ASIC2: variants seen among roughly 807,000 people sequenced by gnomAD.
ASIC2 encodes acid sensing ion channel subunit 2, also known as acid-sensing ion channel 2.
A neutral mutation model predicts 57.3 loss-of-function variants in ASIC2; 25 were observed. The ratio of observed to expected loss-of-function variants is 0.44; its 90% confidence interval spans 0.32 to 0.61. The LOEUF is 0.61. ASIC2 is among the 20% of genes least tolerant of loss of function. The probability of loss-of-function intolerance (pLI) is 0.06; values close to 1 mark genes in which losing one functional copy is unlikely to be tolerated. For synonymous variants in ASIC2, 319 were observed against 307.5 expected, an observed-to-expected ratio of 1.04 and a Z score of -0.39; for missense variants, 641 against 738.1, an observed-to-expected ratio of 0.87 and a Z score of 1.52.
intron 1 of ASIC2, among the ~76,000 whole-genome samples, chr17:33,456,247 C>G (rs1912448623): frequency 6.6e-6 from 1 of 152,150 alleles, no homozygotes; most frequent in Non-Finnish European, 1.5e-5. Context: ...CTTCCCACCC[C>G]AGGGTCTTTG....
intron 3 of ASIC2, among the ~76,000 whole-genome samples, chr17:33,087,725 AT>A (rs112766148): frequency 1.7e-3 from 235 of 140,746 alleles, no homozygotes; most frequent in East Asian, 3.2e-3. Flanking sequence ...ACCATGCCTA[AT>A]TTTTTTTTTT....
At chr17:33,944,161 C>T (rs1916255441) in intron 1 of ASIC2, among the ~76,000 whole-genome samples, 1 of 152,148 alleles carries the variant, frequency 6.6e-6, no homozygotes, top group Non-Finnish European at 1.5e-5. Context: ...TTTTCAGCTG[C>T]AATTTATTGA....
intron 6 of ASIC2, among the ~76,000 whole-genome samples, chr17:33,022,464 C>T (rs1025108989): frequency 6.6e-6 from 1 of 152,176 alleles, no homozygotes; most frequent in African/African-American, 2.4e-5. Context: ...GTCTGTCACT[C>T]ACCTCTGAAA....
chr17:33,383,774 G>A (rs1011545724), intron 1 of ASIC2, among the ~76,000 whole-genome samples: 7 of 152,220 alleles, frequency 4.6e-5, no homozygotes, highest in Non-Finnish European at 7.3e-5. Flanking sequence ...CAGGGATGGT[G>A]ATTATGTCAG....
At chr17:33,645,619 C>T (rs1208362073) in intron 1 of ASIC2, among the ~76,000 whole-genome samples, 1 of 152,148 alleles carries the variant, frequency 6.6e-6, no homozygotes, top group African/African-American at 2.4e-5. Context: ...TTTCCTGATG[C>T]CTAGATAGGA....
chr17:33,303,286 T>A (rs921593035), intron 1 of ASIC2, among the ~76,000 whole-genome samples: 2 of 152,192 alleles, frequency 1.3e-5, no homozygotes, highest in Non-Finnish European at 2.9e-5. Flanking sequence ...GAAAGCAGAA[T>A]TTTTTGGGGC....
intron 1 of ASIC2, among the ~76,000 whole-genome samples, chr17:33,710,713 G>A (rs74382126): frequency 0.019 from 2,904 of 152,210 alleles, 76 homozygotes; most frequent in African/African-American, 0.067. Context: ...TGAAAACTGA[G>A]GGAGAAGAAA....
chr17:33,262,539 C>T (rs1431338090), intron 1 of ASIC2, among the ~76,000 whole-genome samples: 1 of 152,118 alleles, frequency 6.6e-6, no homozygotes, highest in African/African-American at 2.4e-5. Flanking sequence ...GTATGTTTCT[C>T]TCAGACTGTT....
intron 1 of ASIC2, among the ~76,000 whole-genome samples, chr17:33,567,938 C>T (rs1187892316): frequency 6.6e-6 from 1 of 152,146 alleles, no homozygotes; most frequent in Non-Finnish European, 1.5e-5. Context: ...TTGATGAAGG[C>T]TTTGACTTCC....
At chr17:33,589,684 T>G (rs9904134) in intron 1 of ASIC2, among the ~76,000 whole-genome samples, 18,692 of 152,254 alleles carry the variant, frequency 0.12, 1,665 homozygotes, top group East Asian at 0.34. Flanking sequence ...CCAAGTTGTA[T>G]TACGAATCAG....
intron 1 of ASIC2, among the ~76,000 whole-genome samples, chr17:33,185,793 A>G (rs1906168463): frequency 6.6e-6 from 1 of 152,178 alleles, no homozygotes; most frequent in Non-Finnish European, 1.5e-5. Context: ...CAGATCCCAC[A>G]AGACTGGGAA....
rs1910144638 is a variant in ASIC2 at position 34,087,244 on chromosome 17, A to T, written c.555+68734T>A. On this transcript the variant is annotated intron_variant, in intron 1 of 9. Transcript: ENST00000359872. The stretch of plus-strand genomic sequence containing the variant: ...TTTTAGGGCAGTCCTGGTGGTGACA[A>T]AATCTCTCAGCATTTGCTTGTCTGT... Among the ~76,000 whole-genome samples the T allele has an allele frequency of 2.0e-5, 3 of 151,896 alleles. No homozygotes were observed. In the South Asian group the frequency reaches 6.3e-4, roughly 32 times the overall value.
chr17:33,791,953 G>A (rs1911784646), intron 1 of ASIC2: 1 of 152,084 alleles, frequency 6.6e-6, no homozygotes, highest in African/African-American at 2.4e-5. Flanking sequence ...GACTGTAGTT[G>A]TGCACCACCA....
intron 1 of ASIC2, among the ~76,000 whole-genome samples, chr17:34,046,476 C>T (rs532308858): frequency 1.3e-5 from 2 of 152,304 alleles, no homozygotes; most frequent in South Asian, 4.1e-4. Context: ...GATATGTTGT[C>T]ACAGGAATTA....
chr17:33,225,764 C>T (rs1489452045), intron 1 of ASIC2, among the ~76,000 whole-genome samples: 1 of 152,148 alleles, frequency 6.6e-6, no homozygotes, highest in Non-Finnish European at 1.5e-5. Flanking sequence ...GCAACACTGG[C>T]CATAGTCTTT....
intron 1 of ASIC2, among the ~76,000 whole-genome samples, chr17:33,236,076 C>G (rs1185380592): frequency 6.6e-6 from 1 of 152,114 alleles, no homozygotes; most frequent in Non-Finnish European, 1.5e-5. Context: ...ACCACATGAT[C>G]TGCCTGCCTC....
intron 1 of ASIC2, among the ~76,000 whole-genome samples, chr17:33,432,330 A>C (rs1178489345): frequency 6.6e-6 from 1 of 152,214 alleles, no homozygotes; most frequent in Non-Finnish European, 1.5e-5. Context: ...AGCCTTGGGA[A>C]CATAATGAGA....
At chr17:33,837,789 C>T (rs1913317859) in intron 1 of ASIC2, among the ~76,000 whole-genome samples, 1 of 152,184 alleles carries the variant, frequency 6.6e-6, no homozygotes, top group Admixed American at 6.5e-5. Flanking sequence ...TGGCCTCCTC[C>T]ATATTATGGC....
chr17:33,092,221 C>T (rs1007547255), intron 2 of ASIC2, among the ~76,000 whole-genome samples: 2 of 152,230 alleles, frequency 1.3e-5, no homozygotes, highest in African/African-American at 2.4e-5. Flanking sequence ...CCTACTTGTA[C>T]ATCTACAGAT....
Sources: gnomAD v4.1 joint callset for allele counts (sites outside exome capture counted in the v4.1 genomes callset) on GRCh38, gnomAD v4.1.1 for gene constraint, MANE v1.5 for transcripts, NCBI Gene and HGNC (gene_info 2026-07-23, HGNC 2026-07-21) for gene names.